CAST: variants seen among roughly 807,000 people sequenced by gnomAD.
CAST encodes MIR583 host.
In CAST, 76 loss-of-function variants were observed where a neutral mutation model predicts 119.6. The ratio of observed to expected loss-of-function variants is 0.64; its 90% CI spans 0.53 to 0.77. CAST has a LOEUF of 0.77. Ranked by LOEUF, CAST falls within the 30% of genes least tolerant of loss-of-function variation. The pLI, the probability that CAST is intolerant of heterozygous loss-of-function variation, is 0.00. For synonymous variants in CAST, 319 were observed against 331.6 expected (o/e 0.96, Z 0.41); for missense variants, 953 against 946.5 (o/e 1.01, Z -0.09).
At chr5:96,505,787 A>G in the CAST span, among the ~76,000 whole-genome samples, 1 of 152,234 alleles carries the variant, frequency 6.6e-6, no homozygotes, top group African/African-American at 2.4e-5. Flanking sequence ...TACTGCCGCC[A>G]GCTGGGTGGA....
intron 1 of CAST, among the ~76,000 whole-genome samples, chr5:96,620,475 G>GC (rs1747582542): frequency 6.6e-6 from 1 of 152,088 alleles, no homozygotes; most frequent in Admixed American, 6.5e-5. Context: ...CTCCGAATCA[G>GC]CCATGATATC....
intron 3 of CAST, among the ~76,000 whole-genome samples, chr5:96,706,911 G>C (rs988966529): frequency 6.6e-6 from 1 of 152,186 alleles, no homozygotes; most frequent in Non-Finnish European, 1.5e-5. Flanking sequence ...GCTCTACGCA[G>C]TTTAACTGGA....
the CAST span, among the ~76,000 whole-genome samples, chr5:96,341,910 G>A: frequency 1.5e-4 from 23 of 152,122 alleles, no homozygotes; most frequent in African/African-American, 4.1e-4. Flanking sequence ...ATATGATTTC[G>A]TGGATTTAAT....
the CAST span, among the ~76,000 whole-genome samples, chr5:96,105,513 T>C: frequency 2.4e-4 from 37 of 152,310 alleles, no homozygotes; most frequent in African/African-American, 8.2e-4. Context: ...TTGTCTTTGG[T>C]TCTGTTTATA....
chr5:96,501,687 T>C, the CAST span, among the ~76,000 whole-genome samples: 2 of 152,234 alleles, frequency 1.3e-5, no homozygotes, highest in Non-Finnish European at 2.9e-5. Flanking sequence ...TTAAGTAATA[T>C]TCAAAAGGAA....
At chr5:96,747,969 G>C (rs1194871464) in intron 18 of CAST, among the ~76,000 whole-genome samples, 4 of 152,170 alleles carry the variant, frequency 2.6e-5, no homozygotes, top group Non-Finnish European at 5.9e-5. Context: ...AACTCAGGCT[G>C]TCTGGTCTGA....
At chr5:96,420,513 G>T in the CAST span, among the ~76,000 whole-genome samples, 1 of 152,206 alleles carries the variant, frequency 6.6e-6, no homozygotes, top group South Asian at 2.1e-4. Context: ...CACCCTCAAA[G>T]AAATAAATGG....
At chr5:96,632,025 A>ATT (rs1747826183) in intron 1 of CAST, among the ~76,000 whole-genome samples, 1 of 149,670 alleles carries the variant, frequency 6.7e-6, no homozygotes. Context: ...TCCTTTTAAA[A>ATT]ATTATTATTA....
chr5:96,143,711 A>G, the CAST span, among the ~76,000 whole-genome samples: 133 of 152,356 alleles, frequency 8.7e-4, 2 homozygotes, highest in Admixed American at 4.3e-3. Flanking sequence ...TCTGTGAATG[A>G]GGATTTGGAC....
At chr5:96,459,801 G>A in the CAST span, among the ~76,000 whole-genome samples, 1 of 152,172 alleles carries the variant, frequency 6.6e-6, no homozygotes, top group Non-Finnish European at 1.5e-5. Flanking sequence ...GTGTAATTAT[G>A]CATAGCACAT....
the CAST span, among the ~76,000 whole-genome samples, chr5:96,031,232 C>CAAAAAAAAAAAA: frequency 1.6e-5 from 1 of 63,678 alleles, no homozygotes; most frequent in African/African-American, 6.0e-5. Flanking sequence ...AGAACATGAC[C>CAAAAAAAAAAAA]AAAAAAAAAA....
At chr5:96,148,119 A>G in the CAST span, among the ~76,000 whole-genome samples, 1 of 152,218 alleles carries the variant, frequency 6.6e-6, no homozygotes, top group South Asian at 2.1e-4. Flanking sequence ...GTCATGAGAA[A>G]ATAGTTCCTA....
the CAST span, among the ~76,000 whole-genome samples, chr5:96,198,775 C>T: frequency 1.3e-5 from 2 of 152,266 alleles, no homozygotes; most frequent in South Asian, 2.1e-4. Flanking sequence ...GGGTGTTTGA[C>T]AAGACATCAT....
chr5:96,132,834 T>G, the CAST span, among the ~76,000 whole-genome samples: 1 of 152,168 alleles, frequency 6.6e-6, no homozygotes, highest in African/African-American at 2.4e-5. Flanking sequence ...ACCTATAGAA[T>G]GAGAGTTTTA....
At chr5:96,490,179 C>T in the CAST span, among the ~76,000 whole-genome samples, 2 of 152,204 alleles carry the variant, frequency 1.3e-5, no homozygotes, top group Non-Finnish European at 2.9e-5. Flanking sequence ...TACCTAACAT[C>T]CTCTTTTGTG....
At chr5:96,669,293 G>A (rs2150232736) in intron 1 of CAST, among the ~76,000 whole-genome samples, 1 of 152,246 alleles carries the variant, frequency 6.6e-6, no homozygotes, top group Admixed American at 6.5e-5. Flanking sequence ...CATTTTTGTG[G>A]GAAATACCAA....
chr5:96,258,089 A>G, the CAST span, among the ~76,000 whole-genome samples: 119 of 152,300 alleles, frequency 7.8e-4, no homozygotes, highest in Admixed American at 1.3e-3. Context: ...AAAAAAAAAG[A>G]AAAAGGAAAC....
At chr5:96,724,420 C>T (rs1758868713) in intron 4 of CAST, among the ~76,000 whole-genome samples, 2 of 151,968 alleles carry the variant, frequency 1.3e-5, no homozygotes, top group South Asian at 4.1e-4. Context: ...TGGGCTCAAG[C>T]AGTCCTCCCA....
chr5:96,534,743 A>AGAGAGAGAGAGAG (rs1554066267), intron 1 of CAST, among the ~76,000 whole-genome samples: 2 of 56,556 alleles, frequency 3.5e-5, no homozygotes, highest in African/African-American at 1.6e-4. Context: ...GAGAGAGAGA[A>AGAGAGAGAGAGAG]AGAAAGAAAG....
Sources: gnomAD v4.1 joint callset for allele counts (sites outside exome capture counted in the v4.1 genomes callset) on GRCh38, gnomAD v4.1.1 for gene constraint, MANE v1.5 for transcripts, NCBI Gene and HGNC (gene_info 2026-07-23, HGNC 2026-07-21) for gene names.